The following DMXL2 variants were observed in gnomAD, a reference collection of about 807,000 sequenced individuals.
DMXL2 encodes Dmx like 2.
In DMXL2, 103 loss-of-function variants were observed where a neutral mutation model predicts 331.1. That is an observed-to-expected ratio of 0.31 (90% confidence interval 0.27 to 0.37). DMXL2 has a LOEUF of 0.37. Among genes scored for constraint, DMXL2 ranks in the 10% least tolerant of loss-of-function variants. The pLI is 1.00. For synonymous variants in DMXL2, 1,281 were observed against 1,252.1 expected (o/e 1.02, Z -0.49); for missense variants, 3,171 against 3,642.9 (o/e 0.87, Z 3.33).
In DMXL2 at chr15:51,448,276, C is replaced by G. The variant is rs904690072; in HGVS notation, c.*708G>C. On this transcript the variant is annotated 3_prime_UTR_variant, in exon 44 of 44. Coordinates refer to ENST00000560891, the MANE Select transcript of DMXL2 (RefSeq NM_001378457.1). ...CTAAGAAGGTGTGTTTGGTTAACTA[C>G]AAATATGTCATGTTCACATAGTACA... is the stretch of plus-strand genomic sequence containing the variant. 1 of 152,688 alleles carries G rather than the reference C, an allele frequency of 6.5e-6. No homozygotes were observed. Among genetic ancestry groups the G allele is most frequent in the African/African-American group, 2.4e-5 (1 of 41,434 alleles). 9.5% of individuals were successfully genotyped at this position (152,688 alleles called of 1,614,324 possible). A position where few individuals can be genotyped will look rare whatever the true frequency, so the allele number is the denominator to read the frequency against.
rs776786543 is a variant in DMXL2, at chr15:51,476,704, T to C, written c.6849A>G (p.Gly2283=). Residue 2283 remains glycine, a synonymous_variant, in exon 27 of 44, where the codon GGA becomes GGG. Coordinates refer to ENST00000560891, the MANE Select transcript of DMXL2 (RefSeq NM_001378457.1). ...GATAAGCCATTCCTGTAAACTGATT[T>C]CCTTCTGTTTGACTGCTAAAACAAA... The part of the protein sequence containing the change: ...DSHSYSSQTE[G]NQFTGMAYQG... The C allele has an allele frequency of 1.2e-6, 2 of 1,600,914 alleles. No individual in the cohort carries two copies. The highest frequency in any genetic ancestry group is 1.7e-6 in the Non-Finnish European group (2 of 1,176,642).
chr15:51,614,140 C>T (rs2124878), intron 1 of DMXL2, among the ~76,000 whole-genome samples: 72,299 of 151,916 alleles, frequency 0.48, 17,610 homozygotes, highest in Non-Finnish European at 0.52. Flanking sequence ...ACCGCAAGTG[C>T]ATGTACACAA....
Position 51,457,392 on chromosome 15 carries a change from T to A in DMXL2, c.8273A>T (p.Gln2758Leu). ...TGGCAGAGATGAAGGTGGATGCACCTGACTTGCTGAATAGGATGTTGCACT... is the reference window on the plus strand; with the variant it reads ...TGGCAGAGATGAAGGTGGATGCACCAGACTTGCTGAATAGGATGTTGCACT... Reference protein sequence around the residue: ...QPSATSYSASQVHPPSSLPWL... With the variant: ...QPSATSYSASLVHPPSSLPWL... Residue 2758 changes from glutamine to leucine, a missense_variant, in exon 37 of 44, where the codon CAG becomes CTG. Gln to Leu is a moderately radical substitution (Grantham distance 113). Around this residue, in one of 7 missense-constraint regions of DMXL2, gnomAD observed 766 missense variants for 940.5 expected, o/e 0.81. Transcript: ENST00000560891. The A allele has an allele frequency of 1.9e-6, 3 of 1,614,218 alleles. No individual in the cohort carries two copies. Among genetic ancestry groups the A allele is most frequent in the Non-Finnish European group, 2.5e-6 (3 of 1,180,018 alleles).
intron 1 of DMXL2, among the ~76,000 whole-genome samples, chr15:51,596,805 G>T (rs915304717): frequency 6.6e-6 from 1 of 152,158 alleles, no homozygotes; most frequent in African/African-American, 2.4e-5. Flanking sequence ...ATCATTCTCA[G>T]CTAACTATCG....
Position 51,466,253 on chromosome 15 carries a change from C to T in DMXL2, c.7451G>A (p.Ser2484Asn), listed in dbSNP as rs1367125539. 1 of 1,567,872 alleles carries T rather than the reference C, an allele frequency of 6.4e-7. No homozygotes were observed. Reference sequence around the variant, plus strand: ...AAAAAAGGCATCATCTTCTTCATCACTATGAATGCTTTCATCAGAATCATA... The same window carrying T: ...AAAAAAGGCATCATCTTCTTCATCATTATGAATGCTTTCATCAGAATCATA... ...VIYDSDESIH[S>N]DEEDDAFFSD... Residue 2484 changes from serine (S) to asparagine (N), a missense_variant, in exon 30 of 44, where the codon AGT (serine) becomes AAT (asparagine). By Grantham distance (46) the Ser-to-Asn change is conservative. This residue lies in a region of DMXL2 where 766 missense variants were observed against 940.5 expected (regional missense o/e 0.81). Coordinates refer to ENST00000560891, the MANE Select transcript of DMXL2 (RefSeq NM_001378457.1).
At chr15:51,583,007 G>C (rs1188049972) in intron 1 of DMXL2, among the ~76,000 whole-genome samples, 1 of 150,926 alleles carries the variant, frequency 6.6e-6, no homozygotes, top group Non-Finnish European at 1.5e-5. Context: ...ACATAAATGG[G>C]ATCATGCTAT....
intron 39 of DMXL2, 36 bp from the exon 40 acceptor site, chr15:51,455,264 T>C: frequency 1.9e-6 from 3 of 1,540,406 alleles, no homozygotes; most frequent in Non-Finnish European, 2.7e-6. Flanking sequence ...CACATGTTCT[T>C]AGCATCCACA....
At chr15:51,515,095 G>T (rs2046962115) in intron 14 of DMXL2, among the ~76,000 whole-genome samples, 1 of 152,126 alleles carries the variant, frequency 6.6e-6, no homozygotes, top group Non-Finnish European at 1.5e-5. Context: ...CAGCCAGCAG[G>T]ATGATACATC....
intron 16 of DMXL2, among the ~76,000 whole-genome samples, chr15:51,503,712 C>G (rs1310613033): frequency 6.6e-6 from 1 of 152,056 alleles, no homozygotes; most frequent in African/African-American, 2.4e-5. Context: ...AAGAGAAGAT[C>G]TGAAATGTTC....
intron 14 of DMXL2, among the ~76,000 whole-genome samples, 159 bp from the exon 15 acceptor site, chr15:51,514,718 T>G (rs1040855308): frequency 6.6e-6 from 1 of 150,772 alleles, no homozygotes. Flanking sequence ...CAGAAGAGAA[T>G]CATTAAAACT....
In DMXL2 at chr15:51,536,610, A is replaced by G; in HGVS notation, c.1870T>C (p.Trp624Arg). 1 of 1,614,100 alleles carries G rather than the reference A, an allele frequency of 6.2e-7. No homozygotes were observed. Residue 624 changes from tryptophan (W) to arginine (R), a missense_variant, in exon 12 of 44, where the codon TGG becomes CGG. Trp to Arg is a moderately radical substitution (Grantham distance 101). Transcript: ENST00000560891. ...SKHIDGSLNQ[W>R]AVTFADKSAF... ...GACTTATCAGCAAAAGTGACTGCCCACTGATTTAAAGAACCATCTATGTGT... is the reference window on the plus strand; with the variant it reads ...GACTTATCAGCAAAAGTGACTGCCCGCTGATTTAAAGAACCATCTATGTGT...
At chr15:51,513,152 G>A (rs1232464841) in intron 15 of DMXL2, among the ~76,000 whole-genome samples, 1 of 152,022 alleles carries the variant, frequency 6.6e-6, no homozygotes, top group Non-Finnish European at 1.5e-5. Context: ...TTTAGCAGTG[G>A]CATAACAAAT....
intron 16 of DMXL2, among the ~76,000 whole-genome samples, chr15:51,503,649 T>C (rs539329364): frequency 2.0e-5 from 3 of 152,262 alleles, no homozygotes; most frequent in Non-Finnish European, 2.9e-5. Context: ...TATTGTTTGA[T>C]AGCACAGTAG....
intron 28 of DMXL2, 53 bp downstream of exon 28, chr15:51,474,291 A>T: frequency 6.6e-7 from 1 of 1,506,584 alleles, no homozygotes; most frequent in Non-Finnish European, 8.9e-7. Context: ...AAAAATTTTA[A>T]CATTCAAAAT....
intron 15 of DMXL2, among the ~76,000 whole-genome samples, chr15:51,508,000 T>C (rs1029998620): frequency 2.0e-5 from 3 of 152,194 alleles, no homozygotes; most frequent in African/African-American, 7.2e-5. Flanking sequence ...CCTTAATCAT[T>C]AAAACTCATA....
intron 34 of DMXL2, 27 bp from the exon 35 acceptor site, chr15:51,458,822 G>A (rs1425706519): frequency 7.5e-6 from 12 of 1,590,660 alleles, no homozygotes; most frequent in Non-Finnish European, 1.0e-5. Flanking sequence ...AGCAGTTTTA[G>A]TTGCTGCAGC....
intron 1 of DMXL2, among the ~76,000 whole-genome samples, chr15:51,614,844 T>C (rs1397900037): frequency 6.6e-6 from 1 of 152,224 alleles, no homozygotes; most frequent in Non-Finnish European, 1.5e-5. Context: ...TTTATTTGTA[T>C]TTTAACAGGA....
chr15:51,517,200 A>C (rs1373334689), intron 13 of DMXL2, 33 bp from the exon 14 acceptor site: 2 of 1,479,230 alleles, frequency 1.4e-6, no homozygotes, highest in Non-Finnish European at 1.9e-6. Flanking sequence ...GTTAATGGCC[A>C]ACAAATTATA....
intron 15 of DMXL2, among the ~76,000 whole-genome samples, chr15:51,511,147 A>C (rs892673933): frequency 5.3e-5 from 8 of 152,210 alleles, no homozygotes; most frequent in Non-Finnish European, 1.2e-4. Flanking sequence ...AGCCTTCATG[A>C]CTAAAACACC....
Sources: gnomAD v4.1 joint callset for allele counts (sites outside exome capture counted in the v4.1 genomes callset) on GRCh38, gnomAD v4.1.1 for gene constraint, gnomAD v4.1.1 regional missense constraint, MANE v1.5 for transcripts, NCBI Gene and HGNC (gene_info 2026-07-23, HGNC 2026-07-21) for gene names.